The following SMC5 variants were observed in gnomAD, a reference collection of about 807,000 sequenced individuals.
The protein encoded by SMC5 is structural maintenance of chromosomes protein 5.
Under a neutral mutation model 148.3 loss-of-function variants are expected in SMC5, and 88 were observed. The observed-to-expected ratio is 0.59, with a 90% confidence interval of 0.50 to 0.71. SMC5 has a LOEUF of 0.71. SMC5 is among the 30% of genes least tolerant of loss of function. SMC5 has a pLI of 0.00. For synonymous variants in SMC5, 421 were observed against 432.8 expected (o/e 0.97, Z 0.34); for missense variants, 1,142 against 1,298.9 (o/e 0.88, Z 1.86).
intron 17 of SMC5, among the ~76,000 whole-genome samples, chr9:70,342,908 G>A (rs948071869): frequency 2.6e-5 from 4 of 152,184 alleles, no homozygotes; most frequent in Non-Finnish European, 5.9e-5. Flanking sequence ...ACCTGTCCTT[G>A]GAATGTCATC....
chr9:70,322,025 G>A (rs765105051), intron 15 of SMC5, among the ~76,000 whole-genome samples: 2 of 152,006 alleles, frequency 1.3e-5, no homozygotes, highest in Admixed American at 6.5e-5. Context: ...ACTTAATATC[G>A]TTTGTATTTC....
intron 22 of SMC5, among the ~76,000 whole-genome samples, chr9:70,348,942 A>G (rs574384350): frequency 1.1e-4 from 17 of 152,340 alleles, no homozygotes; most frequent in Non-Finnish European, 2.1e-4. Context: ...CTCAAAAAAA[A>G]AGTAACTACT....
Position 70,353,861 on chromosome 9 carries a change from A to G in SMC5, c.*1530A>G, listed in dbSNP as rs1319093823. The G allele has an allele frequency of 6.6e-6, 1 of 152,248 alleles. No individual in the cohort carries two copies. The highest frequency in any genetic ancestry group is 1.5e-5 in the Non-Finnish European group (1 of 68,040). The allele number at this position is 152,248 out of a possible 1,614,324, so 9.4% of individuals were successfully genotyped here. A position where few individuals can be genotyped will look rare whatever the true frequency, so the allele number is the denominator to read the frequency against. On this transcript the variant is annotated 3_prime_UTR_variant, in exon 25 of 25. Coordinates refer to ENST00000361138, the MANE Select transcript of SMC5 (RefSeq NM_015110.4). The stretch of plus-strand genomic sequence containing the variant: ...TAAATGGATATTACCAAATGTTTTC[A>G]TCGTTAATTACTTTGCGTTCCACCA...
In SMC5 at chr9:70,348,213, T is replaced by TG. The variant is rs1031324566; in HGVS notation, c.2889+183dup. ...GGGATTCCATTAGGGTCACTTTTTT[T>TG]GGGGGGGGTTATGTTTGGAATTAGT... On this transcript the variant is annotated intron_variant, in intron 22 of 24. Coordinates refer to ENST00000361138, the MANE Select transcript of SMC5 (RefSeq NM_015110.4). 4.7e-3 allele frequency among the ~76,000 whole-genome samples: 711 copies of TG among 151,674 alleles called. 13 individuals carry two copies. Among genetic ancestry groups the TG allele is most frequent in the Admixed American group, 0.032 (489 of 15,174 alleles).
Position 70,259,001 on chromosome 9 carries a change from T to C in SMC5, c.-78T>C. On this transcript the variant is annotated 5_prime_UTR_variant, in exon 1 of 25. Coordinates refer to ENST00000361138, the MANE Select transcript of SMC5 (RefSeq NM_015110.4). ...GCAGTTCGCGCGGGAGCGGGGCGCC[T>C]GGGTGGATGGGCGCTTGGGCGCCTG... is the stretch of plus-strand genomic sequence containing the variant. The C allele has an allele frequency of 2.1e-6, 3 of 1,458,264 alleles. No homozygotes were observed. The highest frequency in any genetic ancestry group is 2.7e-5 in the Admixed American group (1 of 37,512). The allele number at this position is 1,458,264 out of a possible 1,614,324, so 90.3% of individuals were successfully genotyped here. A position where few individuals can be genotyped will look rare whatever the true frequency, so the allele number is the denominator to read the frequency against.
At chr9:70,341,780 C>T (rs1022361549) in intron 17 of SMC5, among the ~76,000 whole-genome samples, 6 of 152,066 alleles carry the variant, frequency 3.9e-5, no homozygotes, top group Admixed American at 6.6e-5. Context: ...AACACTTTTA[C>T]ACTGTTGGTG....
chr9:70,287,109 C>T (rs11142349), intron 8 of SMC5, among the ~76,000 whole-genome samples: 1 of 152,112 alleles, frequency 6.6e-6, no homozygotes, highest in Non-Finnish European at 1.5e-5. Flanking sequence ...AAGACACTTA[C>T]ATTGTAAAAC....
chr9:70,345,154 AATAAAT>A (rs1377111090), intron 18 of SMC5, among the ~76,000 whole-genome samples: 4 of 140,176 alleles, frequency 2.9e-5, no homozygotes, highest in Non-Finnish European at 6.4e-5. Context: ...GTTGTTATAA[AATAAAT>A]ATAAGTACAA....
rs530459842 is a variant in SMC5 at position 70,344,425 on chromosome 9, A to C, written c.2523+156A>C. 6 of 301,864 alleles carry C rather than the reference A, an allele frequency of 2.0e-5. No homozygotes were observed. The East Asian group carries it at 3.9e-4, about 20-fold the overall frequency. The allele number at this position is 301,864 out of a possible 1,614,324, so 18.7% of individuals were successfully genotyped here. On this transcript the variant is annotated intron_variant, in intron 18 of 24. Transcript: ENST00000361138. ...TAAACTGAATATATATATATATATAAAATAATGTTGCTTAAGAGATCAATG... is the reference window on the plus strand; with the variant it reads ...TAAACTGAATATATATATATATATACAATAATGTTGCTTAAGAGATCAATG...
chr9:70,344,360 C>T (rs2036606815), intron 18 of SMC5, 91 bp downstream of exon 18: 2 of 970,908 alleles, frequency 2.1e-6, no homozygotes, highest in Non-Finnish European at 2.7e-6. Flanking sequence ...CCGTGAAAAA[C>T]ATGATGTGTC....
chr9:70,269,200 T>C (rs993115189), intron 3 of SMC5, among the ~76,000 whole-genome samples: 1 of 152,138 alleles, frequency 6.6e-6, no homozygotes, highest in East Asian at 1.9e-4. Context: ...TATTAAAATA[T>C]GATAGAATTT....
At chr9:70,269,659 A>G (rs2034391564) in intron 3 of SMC5, among the ~76,000 whole-genome samples, 1 of 152,226 alleles carries the variant, frequency 6.6e-6, no homozygotes, top group South Asian at 2.1e-4. Context: ...GAGAGTCTCA[A>G]CAGGTAAGTT....
intron 8 of SMC5, among the ~76,000 whole-genome samples, chr9:70,289,099 G>A (rs1564033067): frequency 6.6e-6 from 1 of 152,120 alleles, no homozygotes; most frequent in Admixed American, 6.5e-5. Flanking sequence ...GTGCAGTGGA[G>A]CAGTCTTGGC....
At chr9:70,345,232 G>T (rs1438172494) in intron 18 of SMC5, among the ~76,000 whole-genome samples, 1 of 151,496 alleles carries the variant, frequency 6.6e-6, no homozygotes, top group Non-Finnish European at 1.5e-5. Context: ...TACTGTTTTT[G>T]AATCAAAATT....
At chr9:70,273,235 GATTTC>G (rs1341448773) in intron 3 of SMC5, among the ~76,000 whole-genome samples, 2 of 148,238 alleles carry the variant, frequency 1.3e-5, no homozygotes, top group Admixed American at 1.3e-4. Flanking sequence ...TCTAACTACT[GATTTC>G]ATTTATTTAT....
chr9:70,273,035 G>A (rs1412479448), intron 3 of SMC5, among the ~76,000 whole-genome samples: 2 of 152,138 alleles, frequency 1.3e-5, no homozygotes, highest in Non-Finnish European at 2.9e-5. Flanking sequence ...TATTTTTGAT[G>A]TGTTGCTAGA....
intron 12 of SMC5, 72 bp downstream of exon 12, chr9:70,314,908 A>G (rs2035755301): frequency 1.0e-6 from 1 of 979,888 alleles, no homozygotes; most frequent in East Asian, 2.8e-5. Flanking sequence ...TAAATAAGCT[A>G]TTACAAGCTG....
At chr9:70,322,209 G>T (rs964586390) in intron 15 of SMC5, among the ~76,000 whole-genome samples, 2 of 152,058 alleles carry the variant, frequency 1.3e-5, no homozygotes, top group African/African-American at 2.4e-5. Context: ...CCTAGAATTT[G>T]TTTCAACTTT....
In SMC5 at chr9:70,280,924, A is replaced by G; in HGVS notation, c.819+25A>G. On this transcript the variant is annotated intron_variant, in intron 6 of 24. Coordinates refer to ENST00000361138, the MANE Select transcript of SMC5 (RefSeq NM_015110.4). ...GGTAAGTCATAATTTTTAGAGGCAA[A>G]GTACGTGTTTCTTTAAGTAGCAGAG... 3.1e-6 allele frequency: 5 copies of G among 1,612,372 alleles called. No homozygotes were observed. In the African/African-American group the frequency reaches 5.3e-5, roughly 17 times the overall value.
Sources: gnomAD v4.1 joint callset for allele counts (sites outside exome capture counted in the v4.1 genomes callset) on GRCh38, gnomAD v4.1.1 for gene constraint, MANE v1.5 for transcripts, NCBI Gene and HGNC (gene_info 2026-07-23, HGNC 2026-07-21) for gene names.